Variants in FLT4 observed in about 807,000 individuals in gnomAD.
FLT4 encodes vascular endothelial growth factor receptor 3.
FLT4 carries 30 observed loss-of-function variants against 163.2 expected under a neutral mutation model. The ratio of observed to expected loss-of-function variants is 0.18; its 90% CI spans 0.14 to 0.25. The LOEUF (loss-of-function observed/expected upper bound fraction) is 0.25, where lower values mean the gene tolerates loss of function less well. Ranked by LOEUF, FLT4 falls within the 10% of genes least tolerant of loss-of-function variation. FLT4 has a pLI of 1.00. For missense variants in FLT4, 1,510 were observed against 1,863.8 expected (o/e 0.81, Z 3.50); for synonymous variants, 884 against 789.5 (o/e 1.12, Z -2.01).
intron 1 of FLT4, among the ~76,000 whole-genome samples, chr5:180,644,363 G>A (rs1366674231): frequency 2.0e-5 from 3 of 152,238 alleles, no homozygotes; most frequent in African/African-American, 7.2e-5. Context: ...GGAAATGTCT[G>A]CAACATGCTG....
Position 180,620,766 on chromosome 5 carries a change from G to A in FLT4, c.2300-51C>T. ...TGTGTGTGTGTGTGTGTAAGAGCGT[G>A]CACCTGCAGGCAGCACCCCTTCTGG... On this transcript the variant is annotated intron_variant, in intron 15 of 29. Transcript: ENST00000261937. The surrounding 1 kb of genome is among the most constrained non-coding windows in gnomAD (Gnocchi z 4.4). 6.3e-7 allele frequency: 1 copy of A among 1,591,052 alleles called. No individual in the cohort carries two copies. Among genetic ancestry groups the A allele is most frequent in the Non-Finnish European group, 8.6e-7 (1 of 1,161,208 alleles).
At chr5:180,637,614 C>T (rs1396241679) in intron 1 of FLT4, among the ~76,000 whole-genome samples, 3 of 152,296 alleles carry the variant, frequency 2.0e-5, no homozygotes, top group Non-Finnish European at 4.4e-5. Context: ...CTCACTGCAA[C>T]GTCCACCTTC....
chr5:180,603,902 T>TG (rs1761652757), intron 29 of FLT4, among the ~76,000 whole-genome samples: 1 of 116,984 alleles, frequency 8.5e-6, no homozygotes, highest in Non-Finnish European at 1.7e-5. Flanking sequence ...AGACTCCATC[T>TG]TAAAAAAAAA....
At chr5:180,631,906 C>A in intron 1 of FLT4, 128 bp from the exon 2 acceptor site, 1 of 624,186 alleles carries the variant, frequency 1.6e-6, no homozygotes, top group Non-Finnish European at 2.9e-6. Flanking sequence ...GGTTCTCAGC[C>A]AGCACCGCGT....
chr5:180,631,592 AG>A (rs1023860387), intron 2 of FLT4, 89 bp downstream of exon 2: 3 of 1,038,736 alleles, frequency 2.9e-6, no homozygotes, highest in African/African-American at 1.6e-5. Flanking sequence ...CTGCCCTGGG[AG>A]GGGGCTGCCA....
Position 180,619,068 on chromosome 5 carries a change from G to C in FLT4, c.2803C>G (p.Leu935Val). The change falls in exon 20 of 30, where the codon CTC becomes GTC. Residue 935 changes from leucine (L) to valine (V), a missense_variant. By Grantham distance (32) the Leu-to-Val change is conservative. Coordinates refer to ENST00000261937, the MANE Select transcript of FLT4 (RefSeq NM_182925.5). Reference protein sequence around the residue: ...VIVEFCKYGNLSNFLRAKRDA... With the variant: ...VIVEFCKYGNVSNFLRAKRDA... ...CGCTTGGCGCGCAGGAAGTTGGAGA[G>C]GTTGCCGTACTTGCAGAACTCCACG... is the stretch of plus-strand genomic sequence containing the variant. The C allele has an allele frequency of 6.4e-7, 1 of 1,561,268 alleles. No homozygotes were observed.
chr5:180,604,041 C>T (rs1468642222), intron 29 of FLT4, among the ~76,000 whole-genome samples: 1 of 152,084 alleles, frequency 6.6e-6, no homozygotes, highest in Non-Finnish European at 1.5e-5. Flanking sequence ...GGGACTGGAG[C>T]CCTGTCAGGG....
chr5:180,605,949 G>A (rs1027455704), intron 29 of FLT4, among the ~76,000 whole-genome samples: 1 of 152,200 alleles, frequency 6.6e-6, no homozygotes, highest in Non-Finnish European at 1.5e-5. Context: ...GCCGACCAGT[G>A]GTTAACAGGA....
intron 25 of FLT4, 54 bp downstream of exon 25, chr5:180,612,957 C>T: frequency 1.4e-6 from 2 of 1,391,398 alleles, no homozygotes; most frequent in South Asian, 1.2e-5. Context: ...ACACAACCCC[C>T]ACGCCCCCGA....
intron 25 of FLT4, 42 bp downstream of exon 25, chr5:180,612,969 G>T (rs753754010): frequency 2.0e-6 from 3 of 1,506,648 alleles, no homozygotes; most frequent in South Asian, 1.2e-5. Context: ...CGCCCCCGAC[G>T]CTTGCTGTCC....
intron 23 of FLT4, among the ~76,000 whole-genome samples, chr5:180,615,442 G>GT (rs748192337): frequency 9.8e-5 from 1 of 10,162 alleles, no homozygotes; most frequent in Non-Finnish European, 2.6e-4. Context: ...GGAGCACTGG[G>GT]CCCGCCGGTC....
chr5:180,639,549 G>A (rs912840739), intron 1 of FLT4, among the ~76,000 whole-genome samples: 5 of 151,978 alleles, frequency 3.3e-5, no homozygotes, highest in Non-Finnish European at 7.4e-5. Flanking sequence ...GTGGGCATAT[G>A]GGTGAAGCAT....
At position 180,603,003 on chromosome 5, in the gene FLT4, G is replaced by A; in HGVS notation, c.*189C>T. On this transcript the variant is annotated 3_prime_UTR_variant, in exon 30 of 30. Coordinates refer to ENST00000261937, the MANE Select transcript of FLT4 (RefSeq NM_182925.5). Reference sequence around the variant, plus strand: ...CTGGAGCGTGGCCCTGGCCAGTCGTGGTGACGGAATTCCGGGAGCCTTGGG... The same window carrying A: ...CTGGAGCGTGGCCCTGGCCAGTCGTAGTGACGGAATTCCGGGAGCCTTGGG... 1.6e-6 allele frequency: 1 copy of A among 637,322 alleles called. No homozygotes were observed. The highest frequency in any genetic ancestry group is 2.8e-6 in the Non-Finnish European group (1 of 359,822). 39.5% of individuals were successfully genotyped at this position (637,322 alleles called of 1,614,324 possible).
chr5:180,636,791 A>G lies in FLT4; in HGVS notation c.59-5013T>C, dbSNP rs1764722623. 1.3e-5 allele frequency among the ~76,000 whole-genome samples: 2 copies of G among 151,702 alleles called. No homozygotes were observed. Among genetic ancestry groups the G allele is most frequent in the African/African-American group, 4.8e-5 (2 of 41,268 alleles). ...TTCTTGATCCACATCCTTCAGCCTC[A>G]TCAAAGCCCCCACTGCTTCCTCCCC... On this transcript the variant is annotated intron_variant, in intron 1 of 29. Transcript: ENST00000261937. The surrounding 1 kb of genome is among the most constrained non-coding windows in gnomAD (Gnocchi z 4.3).
In FLT4 at chr5:180,636,527, C is replaced by A. The variant is rs1764702783; in HGVS notation, c.59-4749G>T. The stretch of plus-strand genomic sequence containing the variant: ...CCCCGTCACTTCCCCTCATTCTCTG[C>A]TGACCGTAGCTCCTGGCTCACCATC... On this transcript the variant is annotated intron_variant, in intron 1 of 29. Coordinates refer to ENST00000261937, the MANE Select transcript of FLT4 (RefSeq NM_182925.5). This position sits in a 1 kb window ranked among gnomAD's most constrained non-coding sequence, Gnocchi z 4.3. Among the ~76,000 whole-genome samples, 2 of 144,626 alleles carry A rather than the reference C, an allele frequency of 1.4e-5. No individual in the cohort carries two copies. Among genetic ancestry groups the A allele is most frequent in the African/African-American group, 5.0e-5 (2 of 39,790 alleles). 94.9% of individuals were successfully genotyped at this position (144,626 alleles called of 152,430 possible). A position where few individuals can be genotyped will look rare whatever the true frequency, so the allele number is the denominator to read the frequency against.
At chr5:180,643,637 C>A (rs1765296498) in intron 1 of FLT4, among the ~76,000 whole-genome samples, 1 of 152,116 alleles carries the variant, frequency 6.6e-6, no homozygotes, top group Non-Finnish European at 1.5e-5. Flanking sequence ...CCTCCTTGGC[C>A]TCCTTGCCAC....
At chr5:180,631,065 C>T (rs1194201011) in intron 2 of FLT4, among the ~76,000 whole-genome samples, 1 of 152,066 alleles carries the variant, frequency 6.6e-6, no homozygotes, top group South Asian at 2.1e-4. Flanking sequence ...TCTCTGGGGC[C>T]CCAGTGGGTG....
intron 1 of FLT4, among the ~76,000 whole-genome samples, chr5:180,640,601 C>A (rs1027446730): frequency 1.3e-5 from 2 of 152,248 alleles, no homozygotes; most frequent in Non-Finnish European, 2.9e-5. Flanking sequence ...GAGGGCAAAG[C>A]CCTTTAAGCT....
chr5:180,640,371 G>A (rs1765014115), intron 1 of FLT4, among the ~76,000 whole-genome samples: 1 of 152,236 alleles, frequency 6.6e-6, no homozygotes, highest in Non-Finnish European at 1.5e-5. Flanking sequence ...GTCGGTCCCT[G>A]CCCCAGGACC....
Sources: allele counts gnomAD v4.1 joint callset (sites outside exome capture counted in the v4.1 genomes callset), GRCh38; gene constraint gnomAD v4.1.1; non-coding constraint Gnocchi (gnomAD v3.1); transcripts MANE v1.5; gene names NCBI Gene and HGNC (gene_info 2026-07-23, HGNC 2026-07-21).